Variants in NECTIN2 observed in about 807,000 individuals in gnomAD.
The protein encoded by NECTIN2 is nectin-2.
In NECTIN2, 23 loss-of-function variants were observed where a neutral mutation model predicts 56.9. The ratio of observed to expected loss-of-function variants is 0.40; its 90% confidence interval spans 0.29 to 0.57. NECTIN2 has a LOEUF of 0.57. NECTIN2 is among the 20% of genes least tolerant of loss of function. The probability of loss-of-function intolerance (pLI) is 0.38; values close to 1 mark genes in which losing one functional copy is unlikely to be tolerated. For missense variants in NECTIN2, 587 were observed against 718.3 expected (o/e 0.82, Z 2.09); for synonymous variants, 302 against 313.8 (o/e 0.96, Z 0.40).
intron 8 of NECTIN2, among the ~76,000 whole-genome samples, chr19:44,887,015 C>CA (rs113580794): frequency 2.0e-3 from 226 of 115,684 alleles, no homozygotes; most frequent in Non-Finnish European, 1.9e-3. Context: ...GACCCTATCT[C>CA]AAAAAAAAAA....
chr19:44,872,008 A>G lies in NECTIN2; in HGVS notation c.634A>G (p.Thr212Ala), dbSNP rs746671135. ...WEAKETQVSG[T>A]LAGTVTVTSR... ...AGCCAAAGAGACTCAGGTGTCAGGGACCCTGGCCGGAACTGTCACTGTCAC... is the reference window on the plus strand; with the variant it reads ...AGCCAAAGAGACTCAGGTGTCAGGGGCCCTGGCCGGAACTGTCACTGTCAC... Residue 212 changes from threonine (T) to alanine (A), a missense_variant, in exon 3 of 9, where the codon ACC becomes GCC. Coordinates refer to ENST00000252483, the MANE Select transcript of NECTIN2 (RefSeq NM_001042724.2). 1 of 1,614,064 alleles carries G rather than the reference A, an allele frequency of 6.2e-7. No homozygotes were observed. Among genetic ancestry groups the G allele is most frequent in the Admixed American group, 1.7e-5 (1 of 60,010 alleles).
intron 1 of NECTIN2, among the ~76,000 whole-genome samples, chr19:44,855,261 T>G (rs1968952572): frequency 6.7e-6 from 1 of 149,078 alleles, no homozygotes; most frequent in African/African-American, 2.5e-5. Context: ...CCGTCTCTAC[T>G]AAAAATACAA....
At chr19:44,878,795 C>T in intron 5 of NECTIN2, 3 of 1,407,450 alleles carry the variant, frequency 2.1e-6, no homozygotes, top group Admixed American at 3.0e-5. Context: ...GGACTTCTCC[C>T]GTCTCTAGGG....
rs200555769 is a variant in NECTIN2 at position 44,872,763 on chromosome 19, CT to C, written c.775+615del. ...TCTCCCAGAGTCTCTACACCGACCC[CT>C]GATCCTTGATATTATTTACATTGTA... On this transcript the variant is annotated intron_variant, in intron 3 of 8. Coordinates refer to ENST00000252483, the MANE Select transcript of NECTIN2 (RefSeq NM_001042724.2). Among the ~76,000 whole-genome samples the C allele has an allele frequency of 9.3e-3, 1,369 of 147,154 alleles. 57 individuals carry two copies. Among genetic ancestry groups the C allele is most frequent in the Admixed American group, 0.077 (1,140 of 14,842 alleles).
rs1968837479 is a variant in NECTIN2, at chr19:44,846,606, G to A, written c.81G>A (p.Leu27=). 5.2e-6 allele frequency: 8 copies of A among 1,525,354 alleles called. No homozygotes were observed. The highest frequency in any genetic ancestry group is 7.0e-6 in the Non-Finnish European group (8 of 1,142,906). The allele number at this position is 1,525,354 out of a possible 1,614,324, so 94.5% of individuals were successfully genotyped here. Residue 27 remains leucine, a synonymous_variant, in exon 1 of 9, where the codon CTG becomes CTA. Coordinates refer to ENST00000252483, the MANE Select transcript of NECTIN2 (RefSeq NM_001042724.2). ...LLWPLLLLLL[L]ETGAQDVRVQ... ...GGCCGCTGCTGCTGCTGCTGCTCCT[G>A]GAAACCGGTGAGACGAGCGGACGGC...
intron 1 of NECTIN2, among the ~76,000 whole-genome samples, chr19:44,853,722 C>T (rs1257208567): frequency 6.6e-6 from 1 of 152,186 alleles, no homozygotes; most frequent in African/African-American, 2.4e-5. Flanking sequence ...CTCCTGACCT[C>T]GTGATCCGCC....
chr19:44,853,685 C>T (rs981111224), intron 1 of NECTIN2, among the ~76,000 whole-genome samples: 1 of 152,122 alleles, frequency 6.6e-6, no homozygotes. Context: ...GACGGGGTTT[C>T]ACCATGTTGG....
chr19:44,861,800 A>G (rs1969034718), intron 1 of NECTIN2, among the ~76,000 whole-genome samples: 1 of 152,200 alleles, frequency 6.6e-6, no homozygotes, highest in Admixed American at 6.5e-5. Context: ...ATGAGATACC[A>G]TCTCACACCA....
At chr19:44,876,353 T>C (rs1461114373) in intron 5 of NECTIN2, among the ~76,000 whole-genome samples, 1 of 151,832 alleles carries the variant, frequency 6.6e-6, no homozygotes, top group Non-Finnish European at 1.5e-5. Context: ...AGCAGGTGGC[T>C]CCAAGGTCAG....
At chr19:44,870,126 T>G (rs1599920094) in intron 2 of NECTIN2, among the ~76,000 whole-genome samples, 2 of 151,504 alleles carry the variant, frequency 1.3e-5, no homozygotes, top group African/African-American at 4.9e-5. Context: ...GGGCTTGGAG[T>G]GGGGTCTGGA....
In NECTIN2 at chr19:44,874,608, G is replaced by A. The variant is rs1969216232; in HGVS notation, c.1042+130G>A. The A allele has an allele frequency of 2.6e-6, 3 of 1,154,694 alleles. No homozygotes were observed. In the East Asian group the frequency reaches 7.5e-5, roughly 29 times the overall value. The allele number at this position is 1,154,694 out of a possible 1,614,324, so 71.5% of individuals were successfully genotyped here. A position where few individuals can be genotyped will look rare whatever the true frequency, so the allele number is the denominator to read the frequency against. On this transcript the variant is annotated intron_variant, in intron 5 of 8. Transcript: ENST00000252483. The surrounding 1 kb of genome is among the most constrained non-coding windows in gnomAD (Gnocchi z 6.3). ...GGGAGGGATGCAGACCTGCCTGGCT[G>A]AGGGGAGATGAGGGTTGGCCTTCCC...
chr19:44,877,742 G>A (rs777490610), intron 5 of NECTIN2, among the ~76,000 whole-genome samples: 2 of 152,168 alleles, frequency 1.3e-5, no homozygotes, highest in Admixed American at 6.5e-5. Context: ...GGAGGGCTGC[G>A]AAGTCAGATG....
At chr19:44,863,817 G>C (rs886707309) in intron 1 of NECTIN2, among the ~76,000 whole-genome samples, 3 of 150,184 alleles carry the variant, frequency 2.0e-5, no homozygotes, top group African/African-American at 7.3e-5. Context: ...ACCCCAGCCT[G>C]GGCAACAGAG....
Position 44,882,241 on chromosome 19 carries a change from C to A in NECTIN2, c.1073C>A (p.Thr358Lys). 6.5e-7 allele frequency: 1 copy of A among 1,537,178 alleles called. No individual in the cohort carries two copies. The highest frequency in any genetic ancestry group is 1.2e-5 in the South Asian group (1 of 81,926). Reference sequence around the variant, plus strand: ...CCCAACACAGCAGGCGCAGGGGCCACAGGCGGCATCATCGGGGGCATCATC... The same window carrying A: ...CCCAACACAGCAGGCGCAGGGGCCAAAGGCGGCATCATCGGGGGCATCATC... The part of the protein sequence containing the change: ...ETPNTAGAGA[T>K]GGIIGGIIAA... The change falls in exon 6 of 9, where the codon ACA (threonine) becomes AAA (lysine). Residue 358 changes from threonine (T) to lysine (K), a missense_variant. Transcript: ENST00000252483.
At position 44,874,363 on chromosome 19, in the gene NECTIN2, C is replaced by T. The variant is rs1969212108; in HGVS notation, c.927C>T (p.Ala309=). The T allele has an allele frequency of 6.2e-7, 1 of 1,614,040 alleles. No homozygotes were observed. The highest frequency in any genetic ancestry group is 8.5e-7 in the Non-Finnish European group (1 of 1,180,018). The stretch of plus-strand genomic sequence containing the variant: ...GCACCTTCCCGACCTCCGCAGTGGC[C>T]CAGGGCTCCCAGCTGGTCATCCACG... The part of the protein sequence containing the change: ...TSGTFPTSAV[A]QGSQLVIHAV... The change falls in exon 5 of 9, where the codon GCC becomes GCT. Residue 309 remains alanine (A), a synonymous_variant. Coordinates refer to ENST00000252483, the MANE Select transcript of NECTIN2 (RefSeq NM_001042724.2). The surrounding 1 kb of genome is among the most constrained non-coding windows in gnomAD (Gnocchi z 6.3).
rs557877903 is a variant in NECTIN2, at chr19:44,850,864, TGGCCTTCAAG to T, written c.88+4259_88+4268del. Among the ~76,000 whole-genome samples, 1,068 of 152,258 alleles carry T rather than the reference TGGCCTTCAAG, an allele frequency of 7.0e-3. 8 individuals carry two copies. Among genetic ancestry groups the T allele is most frequent in the African/African-American group, 0.024 (1,011 of 41,548 alleles). On this transcript the variant is annotated intron_variant, in intron 1 of 8. Transcript: ENST00000252483. ...AGCTGAGGCCAGTACTCAAAGCCTC[TGGCCTTCAAG>T]GGCCTTCTCTAGTCCCGACGTGCCT... is the stretch of plus-strand genomic sequence containing the variant.
Position 44,888,135 on chromosome 19 carries a change from C to T in NECTIN2, c.1373C>T (p.Pro458Leu). 3.1e-6 allele frequency: 5 copies of T among 1,613,204 alleles called. No homozygotes were observed. The highest frequency in any genetic ancestry group is 3.4e-6 in the Non-Finnish European group (4 of 1,179,244). ...GAAATGCCTCGATACCATGAGCTGC[C>T]CACCTTGGAAGAACGGTCAGGACCC... The part of the protein sequence containing the change: ...EQEMPRYHEL[P>L]TLEERSGPLH... The change falls in exon 9 of 9, where the codon CCC becomes CTC. Residue 458 changes from proline to leucine, a missense_variant. Transcript: ENST00000252483.
intron 5 of NECTIN2, among the ~76,000 whole-genome samples, chr19:44,881,777 C>T (rs1969310887): frequency 6.6e-6 from 1 of 152,200 alleles, no homozygotes; most frequent in Non-Finnish European, 1.5e-5. Context: ...GACTCATCCC[C>T]GGTGTCTCTT....
Position 44,874,755 on chromosome 19 carries a change from G to T in NECTIN2, c.1042+277G>T. On this transcript the variant is annotated intron_variant, in intron 5 of 8. Transcript: ENST00000252483. This position sits in a 1 kb window ranked among gnomAD's most constrained non-coding sequence, Gnocchi z 6.3. ...GTAGAGGCCTGGGTAGGGTCCTCAC[G>T]AATAGACCCGAGGAAGCTGCCCTGG... The T allele has an allele frequency of 2.5e-6, 1 of 400,426 alleles. No individual in the cohort carries two copies. The allele number at this position is 400,426 out of a possible 1,614,324, so 24.8% of individuals were successfully genotyped here. A position where few individuals can be genotyped will look rare whatever the true frequency, so the allele number is the denominator to read the frequency against.
Sources: gnomAD v4.1 joint callset for allele counts (sites outside exome capture counted in the v4.1 genomes callset) on GRCh38, gnomAD v4.1.1 for gene constraint, Gnocchi (gnomAD v3.1) non-coding constraint, MANE v1.5 for transcripts, NCBI Gene and HGNC (gene_info 2026-07-23, HGNC 2026-07-21) for gene names.